The following PCSK2 variants were observed in gnomAD, a reference collection of about 807,000 sequenced individuals.
The protein encoded by PCSK2 is neuroendocrine convertase 2.
In PCSK2, 14 loss-of-function variants were observed where a neutral mutation model predicts 69.7. That is an observed-to-expected ratio of 0.20 (90% CI 0.13 to 0.31). PCSK2 has a LOEUF of 0.31. Ranked by LOEUF, PCSK2 falls within the 10% of genes least tolerant of loss-of-function variation. The pLI, the probability that PCSK2 is intolerant of heterozygous loss-of-function variation, is 1.00. For missense variants in PCSK2, 544 were observed against 842.5 expected (o/e 0.65, Z 4.39); for synonymous variants, 307 against 320.7 (o/e 0.96, Z 0.46).
At chr20:17,383,702 T>C (rs564380257) in intron 5 of PCSK2, among the ~76,000 whole-genome samples, 6 of 152,322 alleles carry the variant, frequency 3.9e-5, no homozygotes, top group Non-Finnish European at 2.9e-5. Flanking sequence ...TCTTAACTAA[T>C]GAGCTATGCT....
At chr20:17,243,809 C>T (rs1387653437) in intron 1 of PCSK2, among the ~76,000 whole-genome samples, 1 of 151,780 alleles carries the variant, frequency 6.6e-6, no homozygotes, top group African/African-American at 2.4e-5. Flanking sequence ...AATTGAGAGA[C>T]AGTCTGCAAA....
intron 1 of PCSK2, among the ~76,000 whole-genome samples, chr20:17,254,370 C>T (rs539727160): frequency 9.9e-5 from 15 of 152,222 alleles, no homozygotes; most frequent in African/African-American, 3.4e-4. Flanking sequence ...TTAAATTTTG[C>T]ATGTGGTATG....
chr20:17,419,646 G>C (rs1170230595), intron 6 of PCSK2, among the ~76,000 whole-genome samples: 1 of 152,156 alleles, frequency 6.6e-6, no homozygotes, highest in Non-Finnish European at 1.5e-5. Context: ...CCAAGATGTT[G>C]AGTGGCCTTG....
intron 2 of PCSK2, among the ~76,000 whole-genome samples, chr20:17,306,452 A>AG (rs1486423229): frequency 6.6e-6 from 1 of 152,168 alleles, no homozygotes; most frequent in Non-Finnish European, 1.5e-5. Context: ...GGCAGGCAAT[A>AG]ACTGCTTCTG....
chr20:17,337,215 C>T (rs570978397), intron 2 of PCSK2, among the ~76,000 whole-genome samples: 6 of 152,240 alleles, frequency 3.9e-5, no homozygotes, highest in Non-Finnish European at 7.3e-5. Context: ...CTAAAGGATA[C>T]AGTCCCAGAG....
rs202161000 is a variant in PCSK2, at chr20:17,276,459, C to CACAT, written c.282+16118_282+16119insTACA. Among the ~76,000 whole-genome samples the CACAT allele has an allele frequency of 5.5e-4, 84 of 151,826 alleles. 1 individual carries two copies. The East Asian group carries it at 0.016, about 29-fold the overall frequency. On this transcript the variant is annotated intron_variant, in intron 2 of 11. Transcript: ENST00000262545. ...CTTTTAAATTCAACACACACACACA[C>CACAT]ACACACACACACACACACACATACC...
intron 2 of PCSK2, among the ~76,000 whole-genome samples, chr20:17,303,521 A>AT (rs1491120307): frequency 1.4e-3 from 114 of 80,686 alleles, no homozygotes; most frequent in Admixed American, 2.9e-3. Flanking sequence ...TATATAATAT[A>AT]ATATATATTA....
chr20:17,239,520 T>C (rs1986474705), intron 1 of PCSK2, among the ~76,000 whole-genome samples: 1 of 152,062 alleles, frequency 6.6e-6, no homozygotes, highest in Non-Finnish European at 1.5e-5. Flanking sequence ...TAACCCAAAT[T>C]TGGACCCAGC....
chr20:17,316,672 A>G (rs1989699261), intron 2 of PCSK2, among the ~76,000 whole-genome samples: 1 of 152,226 alleles, frequency 6.6e-6, no homozygotes, highest in African/African-American at 2.4e-5. Flanking sequence ...ATAATAACGC[A>G]GCATCAATTT....
chr20:17,447,484 A>G (rs1001668806), intron 8 of PCSK2, among the ~76,000 whole-genome samples: 1 of 152,208 alleles, frequency 6.6e-6, no homozygotes, highest in Non-Finnish European at 1.5e-5. Flanking sequence ...AGAAATGACA[A>G]TTCTAAATTA....
intron 2 of PCSK2, among the ~76,000 whole-genome samples, chr20:17,296,512 C>T (rs1027245981): frequency 1.3e-5 from 2 of 152,174 alleles, no homozygotes; most frequent in African/African-American, 4.8e-5. Flanking sequence ...TTCCTGTCTT[C>T]CAGAAATTCT....
intron 2 of PCSK2, 128 bp from the exon 3 acceptor site, chr20:17,358,199 T>C (rs1475791655): frequency 1.6e-6 from 1 of 624,398 alleles, no homozygotes; most frequent in Non-Finnish European, 2.9e-6. Context: ...GTATATGAGA[T>C]GAACTTGCTT....
chr20:17,437,724 T>C (rs1400143307), intron 8 of PCSK2, among the ~76,000 whole-genome samples: 3 of 152,210 alleles, frequency 2.0e-5, no homozygotes, highest in Admixed American at 2.0e-4. Context: ...CAAAACTTCA[T>C]AGCACAGAAC....
intron 2 of PCSK2, among the ~76,000 whole-genome samples, chr20:17,305,429 T>A (rs1989295795): frequency 6.6e-6 from 1 of 152,076 alleles, no homozygotes; most frequent in Non-Finnish European, 1.5e-5. Flanking sequence ...ACAAGAGGGA[T>A]GATTGGAGGG....
intron 2 of PCSK2, among the ~76,000 whole-genome samples, chr20:17,294,107 T>TC (rs1988792197): frequency 7.2e-6 from 1 of 139,704 alleles, no homozygotes; most frequent in Non-Finnish European, 1.6e-5. Flanking sequence ...TCTTTTTTTT[T>TC]TTTTTTTTTT....
At chr20:17,266,722 A>G (rs1987618649) in intron 2 of PCSK2, among the ~76,000 whole-genome samples, 2 of 152,140 alleles carry the variant, frequency 1.3e-5, no homozygotes, top group African/African-American at 2.4e-5. Context: ...AGTCAATTTT[A>G]CAGGAAACTC....
At chr20:17,473,044 AC>A (rs1361352661) in intron 11 of PCSK2, among the ~76,000 whole-genome samples, 1 of 150,514 alleles carries the variant, frequency 6.6e-6, no homozygotes, top group East Asian at 2.0e-4. Context: ...AGACTGGAAC[AC>A]TACGATTTTG....
chr20:17,294,342 G>A (rs1988814809), intron 2 of PCSK2, among the ~76,000 whole-genome samples: 1 of 151,796 alleles, frequency 6.6e-6, no homozygotes, highest in Non-Finnish European at 1.5e-5. Flanking sequence ...TCCTGACCTC[G>A]TGATCCACCC....
At chr20:17,318,890 G>T (rs1267119510) in intron 2 of PCSK2, among the ~76,000 whole-genome samples, 1 of 151,630 alleles carries the variant, frequency 6.6e-6, no homozygotes, top group Non-Finnish European at 1.5e-5. Context: ...AGAACAGCCA[G>T]AGCAGGATTA....
Sources: gnomAD v4.1 joint callset for allele counts (sites outside exome capture counted in the v4.1 genomes callset) on GRCh38, gnomAD v4.1.1 for gene constraint, MANE v1.5 for transcripts, NCBI Gene and HGNC (gene_info 2026-07-23, HGNC 2026-07-21) for gene names.